KIF2A: variants seen among roughly 807,000 people sequenced by gnomAD.
KIF2A encodes kinesin-like protein KIF2A.
In KIF2A, 22 loss-of-function variants were observed where a neutral mutation model predicts 100.2. The ratio of observed to expected loss-of-function variants is 0.22; its 90% CI spans 0.16 to 0.31. The LOEUF (loss-of-function observed/expected upper bound fraction) is 0.31. Among genes scored for constraint, KIF2A ranks in the 10% least tolerant of loss-of-function variants. The pLI, the probability that KIF2A is intolerant of heterozygous loss-of-function variation, is 1.00. For synonymous variants in KIF2A, 268 were observed against 285.9 expected (o/e 0.94, Z 0.63); for missense variants, 495 against 898.7 (o/e 0.55, Z 5.74).
At chr5:62,326,691 C>T (rs1746395036) in intron 1 of KIF2A, among the ~76,000 whole-genome samples, 1 of 151,124 alleles carries the variant, frequency 6.6e-6, no homozygotes, top group Non-Finnish European at 1.5e-5. Context: ...TTTCTCCCAT[C>T]CGAAAAAAAA....
At chr5:62,351,512 T>A (rs1747855503) in intron 4 of KIF2A, among the ~76,000 whole-genome samples, 1 of 152,068 alleles carries the variant, frequency 6.6e-6, no homozygotes, top group South Asian at 2.1e-4. Flanking sequence ...TGTTAAGTAG[T>A]TCAGAATTGT....
intron 20 of KIF2A, 113 bp downstream of exon 20, chr5:62,381,366 GTT>G (rs1252974254): frequency 1.3e-6 from 1 of 783,722 alleles, no homozygotes; most frequent in Non-Finnish European, 2.1e-6. Flanking sequence ...TAGGGGCACT[GTT>G]TAGCATCTAT....
chr5:62,375,780 T>A (rs990190366), intron 18 of KIF2A, among the ~76,000 whole-genome samples: 5 of 152,180 alleles, frequency 3.3e-5, no homozygotes, highest in African/African-American at 1.2e-4. Context: ...TTGTCACAAC[T>A]AAGGTGATGC....
chr5:62,307,776 C>T (rs1745386133), intron 1 of KIF2A, among the ~76,000 whole-genome samples: 1 of 152,046 alleles, frequency 6.6e-6, no homozygotes, highest in African/African-American at 2.4e-5. Flanking sequence ...GTCACCACAC[C>T]CAGCTAATTT....
At chr5:62,308,541 T>G (rs1039437745) in intron 1 of KIF2A, 1 of 703,032 alleles carries the variant, frequency 1.4e-6, no homozygotes, top group African/African-American at 1.7e-5. Context: ...ATTATGTGTG[T>G]GTGTATACGT....
In KIF2A at chr5:62,388,394, G is replaced by A. The variant is rs1422975700; in HGVS notation, c.*2825G>A. ...TTTAATATGCCTGGCACTGCACGGT[G>A]GCAGTAGCAGACTTGGGCTTACCCA... is the stretch of plus-strand genomic sequence containing the variant. On this transcript the variant is annotated 3_prime_UTR_variant, in exon 21 of 21. Transcript: ENST00000407818. 6.6e-6 allele frequency: 1 copy of A among 152,248 alleles called. No homozygotes were observed. 9.4% of individuals were successfully genotyped at this position (152,248 alleles called of 1,614,324 possible).
Position 62,335,111 on chromosome 5 carries a change from G to A in KIF2A, c.65-12019G>A, listed in dbSNP as rs538838731. 3.7e-4 allele frequency among the ~76,000 whole-genome samples: 56 copies of A among 152,318 alleles called. 1 individual carries two copies. Among genetic ancestry groups the A allele is most frequent in the African/African-American group, 1.3e-3 (52 of 41,562 alleles). On this transcript the variant is annotated intron_variant, in intron 1 of 20. Transcript: ENST00000407818. ...AACCACCAGAACTTGACCCACCACT[G>A]CTCCTGCTGTGGCTCAAGGCTGAAC...
intron 6 of KIF2A, 114 bp downstream of exon 6, chr5:62,353,489 G>C: frequency 2.1e-6 from 1 of 481,416 alleles, no homozygotes; most frequent in Non-Finnish European, 3.7e-6. Context: ...AGAATTTTAA[G>C]AATTCCTTAA....
chr5:62,339,584 A>AT (rs1450779043), intron 1 of KIF2A, among the ~76,000 whole-genome samples: 1 of 144,830 alleles, frequency 6.9e-6, no homozygotes, highest in Non-Finnish European at 1.5e-5. Flanking sequence ...ACCAGTACAC[A>AT]TATGTAAGAA....
At chr5:62,337,937 G>A (rs986743177) in intron 1 of KIF2A, among the ~76,000 whole-genome samples, 3 of 152,078 alleles carry the variant, frequency 2.0e-5, no homozygotes, top group Admixed American at 1.3e-4. Context: ...AATAGGTAGT[G>A]TTTTGTGATT....
intron 7 of KIF2A, among the ~76,000 whole-genome samples, chr5:62,356,101 G>A (rs1457222453): frequency 6.6e-6 from 1 of 152,102 alleles, no homozygotes; most frequent in Non-Finnish European, 1.5e-5. Flanking sequence ...GCCCAGCCGG[G>A]AATGCTTTTA....
At position 62,329,507 on chromosome 5, in the gene KIF2A, T is replaced by C. The variant is rs1360199117; in HGVS notation, c.65-17623T>C. Among the ~76,000 whole-genome samples the C allele has an allele frequency of 2.0e-5, 3 of 152,248 alleles. No homozygotes were observed. The East Asian group carries it at 5.8e-4, about 29-fold the overall frequency. ...TGACTTCCAACAAATCAAATTGCTT[T>C]CTGTCCTCAGTTACTGGTCAGTGGC... is the stretch of plus-strand genomic sequence containing the variant. On this transcript the variant is annotated intron_variant, in intron 1 of 20. Coordinates refer to ENST00000407818, the MANE Select transcript of KIF2A (RefSeq NM_001098511.3).
chr5:62,326,454 A>G (rs1580013380), intron 1 of KIF2A, among the ~76,000 whole-genome samples: 1 of 152,072 alleles, frequency 6.6e-6, no homozygotes, highest in African/African-American at 2.4e-5. Context: ...AAGAACTACA[A>G]GTCAGCCACA....
At chr5:62,325,320 C>T (rs932469191) in intron 1 of KIF2A, among the ~76,000 whole-genome samples, 1 of 151,948 alleles carries the variant, frequency 6.6e-6, no homozygotes, top group African/African-American at 2.4e-5. Context: ...GATGGGGTTT[C>T]GCCATGTTGG....
At chr5:62,323,031 C>T (rs1746184562) in intron 1 of KIF2A, among the ~76,000 whole-genome samples, 1 of 149,968 alleles carries the variant, frequency 6.7e-6, no homozygotes, top group Non-Finnish European at 1.5e-5. Context: ...CCGAGGTGGA[C>T]AGATCACATG....
At chr5:62,306,700 G>A (rs1485098774) in intron 1 of KIF2A, among the ~76,000 whole-genome samples, 164 bp downstream of exon 1, 1 of 152,138 alleles carries the variant, frequency 6.6e-6, no homozygotes, top group African/African-American at 2.4e-5. Context: ...CAGTGAGGCC[G>A]GCTTGGGGTC....
At chr5:62,344,261 T>G (rs1254390454) in intron 1 of KIF2A, among the ~76,000 whole-genome samples, 4 of 151,846 alleles carry the variant, frequency 2.6e-5, no homozygotes, top group African/African-American at 9.7e-5. Context: ...GGAAAATCGC[T>G]TGAACCTGGG....
Position 62,336,875 on chromosome 5 carries a change from G to C in KIF2A, c.65-10255G>C, listed in dbSNP as rs576764601. ...GAAAAGACAAATGAACAAATCCCAGGTGAGATTAAGAGAAAAAAGTTTACC... is the reference window on the plus strand; with the variant it reads ...GAAAAGACAAATGAACAAATCCCAGCTGAGATTAAGAGAAAAAAGTTTACC... On this transcript the variant is annotated intron_variant, in intron 1 of 20. Coordinates refer to ENST00000407818, the MANE Select transcript of KIF2A (RefSeq NM_001098511.3). 2.8e-4 allele frequency among the ~76,000 whole-genome samples: 42 copies of C among 152,206 alleles called. 1 individual carries two copies. The highest frequency in any genetic ancestry group is 9.9e-4 in the African/African-American group (41 of 41,532).
At chr5:62,361,940 T>G (rs1748434440) in intron 11 of KIF2A, among the ~76,000 whole-genome samples, 1 of 151,770 alleles carries the variant, frequency 6.6e-6, no homozygotes, top group Non-Finnish European at 1.5e-5. Context: ...GGCAGAATTG[T>G]TTGATCATTT....
Sources: gnomAD v4.1 joint callset for allele counts (sites outside exome capture counted in the v4.1 genomes callset) on GRCh38, gnomAD v4.1.1 for gene constraint, MANE v1.5 for transcripts, NCBI Gene and HGNC (gene_info 2026-07-23, HGNC 2026-07-21) for gene names.